ALK: variants seen among roughly 807,000 people sequenced by gnomAD.
The protein encoded by ALK is ALK receptor tyrosine kinase.
ALK carries 74 observed loss-of-function variants against 163.1 expected under a neutral mutation model. The observed-to-expected ratio is 0.45, with a 90% CI of 0.38 to 0.55. ALK has a LOEUF of 0.55. ALK is among the 20% of genes least tolerant of loss of function. ALK has a pLI of 0.00. For missense variants in ALK, 2,063 were observed against 2,105.3 expected, an observed-to-expected ratio of 0.98 and a Z score of 0.39; for synonymous variants, 960 against 843.2, an observed-to-expected ratio of 1.14 and a Z score of -2.40.
intron 4 of ALK, among the ~76,000 whole-genome samples, chr2:29,392,395 A>T (rs1669195374): frequency 6.6e-6 from 1 of 152,224 alleles, no homozygotes; most frequent in Non-Finnish European, 1.5e-5. Context: ...AAATGCAAGT[A>T]ACTCATTTTT....
intron 3 of ALK, among the ~76,000 whole-genome samples, chr2:29,694,133 C>T (rs560730441): frequency 2.0e-5 from 3 of 152,316 alleles, no homozygotes; most frequent in South Asian, 2.1e-4. Flanking sequence ...TAGACTAGAG[C>T]TTAGTGCCTT....
At chr2:29,651,672 A>G (rs1677039613) in intron 3 of ALK, among the ~76,000 whole-genome samples, 1 of 152,130 alleles carries the variant, frequency 6.6e-6, no homozygotes, top group African/African-American at 2.4e-5. Context: ...GCCACAGGGT[A>G]TCCCTTGGAG....
rs61451401 is a variant in ALK, at chr2:29,829,312, T to TAA, written c.667+90679_667+90680dup. ...ATGTACCCTAAAACTTAAAGTATAA[T>TAA]AAAAAAAAAAAAGAAAGAAAGATGA... On this transcript the variant is annotated intron_variant, in intron 1 of 28. Coordinates refer to ENST00000389048, the MANE Select transcript of ALK (RefSeq NM_004304.5). Among the ~76,000 whole-genome samples the TAA allele has an allele frequency of 6.9e-3, 996 of 144,920 alleles. 6 individuals are homozygous for TAA. The highest frequency in any genetic ancestry group is 0.025 in the Middle Eastern group (7 of 280).
chr2:29,559,046 T>C (rs1283721837), intron 3 of ALK, among the ~76,000 whole-genome samples: 3 of 152,142 alleles, frequency 2.0e-5, no homozygotes, highest in African/African-American at 7.2e-5. Context: ...ATCCAGTACC[T>C]AACATACCTT....
intron 6 of ALK, among the ~76,000 whole-genome samples, chr2:29,324,588 T>G (rs969826793): frequency 6.6e-6 from 1 of 152,204 alleles, no homozygotes; most frequent in African/African-American, 2.4e-5. Context: ...ACAGATGAGA[T>G]TATCAAGTCC....
intron 1 of ALK, among the ~76,000 whole-genome samples, chr2:29,873,960 CT>C (rs926018249): frequency 1.3e-5 from 2 of 152,134 alleles, no homozygotes; most frequent in African/African-American, 4.8e-5. Flanking sequence ...GAAGCACTTT[CT>C]TTCAGCAGAA....
At chr2:29,202,385 G>A (rs929299927) in intron 26 of ALK, among the ~76,000 whole-genome samples, 1 of 152,186 alleles carries the variant, frequency 6.6e-6, no homozygotes, top group Non-Finnish European at 1.5e-5. Context: ...CATTCCAATT[G>A]TGAAACAGTC....
intron 3 of ALK, among the ~76,000 whole-genome samples, chr2:29,564,784 A>G (rs1674132305): frequency 6.6e-6 from 1 of 152,162 alleles, no homozygotes; most frequent in Non-Finnish European, 1.5e-5. Context: ...CACTCTTGTC[A>G]TCTTTCCGTT....
chr2:29,876,066 G>C (rs1415520735), intron 1 of ALK, among the ~76,000 whole-genome samples: 1 of 152,124 alleles, frequency 6.6e-6, no homozygotes, highest in East Asian at 1.9e-4. Context: ...ATATGTGTGT[G>C]TGTTGAGATT....
chr2:29,869,599 T>C (rs1666525731), intron 1 of ALK, among the ~76,000 whole-genome samples: 1 of 152,112 alleles, frequency 6.6e-6, no homozygotes, highest in African/African-American at 2.4e-5. Context: ...TAAATCTACT[T>C]GCTATAAATC....
intron 1 of ALK, among the ~76,000 whole-genome samples, chr2:29,810,562 T>C (rs1415185801): frequency 1.3e-5 from 2 of 152,126 alleles, no homozygotes; most frequent in African/African-American, 4.8e-5. Context: ...GAGAACAATG[T>C]GAAGAGATCA....
chr2:29,827,977 C>T (rs573105941), intron 1 of ALK, among the ~76,000 whole-genome samples: 2 of 152,134 alleles, frequency 1.3e-5, no homozygotes, highest in African/African-American at 4.8e-5. Flanking sequence ...AGATATAGAT[C>T]AATGGAACAG....
intron 3 of ALK, among the ~76,000 whole-genome samples, chr2:29,674,710 C>T (rs1228186021): frequency 1.3e-5 from 2 of 150,458 alleles, no homozygotes; most frequent in African/African-American, 4.9e-5. Flanking sequence ...AGGGAGGATT[C>T]CCTCTTTTTC....
chr2:29,798,892 G>A (rs72788244), intron 1 of ALK, among the ~76,000 whole-genome samples: 4,507 of 152,292 alleles, frequency 0.03, 77 homozygotes, highest in East Asian at 0.077. Context: ...CGGTGTGATG[G>A]CGAGGACACT....
At chr2:29,369,361 G>T (rs1182966844) in intron 5 of ALK, among the ~76,000 whole-genome samples, 1 of 151,768 alleles carries the variant, frequency 6.6e-6, no homozygotes, top group Admixed American at 6.6e-5. Flanking sequence ...AAAATGACAG[G>T]CACTTGAAGG....
chr2:29,585,320 G>A (rs1674849931), intron 3 of ALK, among the ~76,000 whole-genome samples: 1 of 151,328 alleles, frequency 6.6e-6, no homozygotes, highest in Admixed American at 6.6e-5. Flanking sequence ...TGTATTTTCT[G>A]TCAGCTATTA....
chr2:29,346,131 G>A (rs1308299448), intron 5 of ALK, among the ~76,000 whole-genome samples: 1 of 152,160 alleles, frequency 6.6e-6, no homozygotes, highest in Non-Finnish European at 1.5e-5. Context: ...CTAGGCTGAT[G>A]CTTACATTCT....
intron 1 of ALK, among the ~76,000 whole-genome samples, chr2:29,828,660 A>G (rs562819388): frequency 2.6e-5 from 4 of 152,344 alleles, no homozygotes; most frequent in Admixed American, 1.3e-4. Context: ...AAGTGTCAGG[A>G]AACAACAGGT....
intron 3 of ALK, among the ~76,000 whole-genome samples, chr2:29,661,507 A>C (rs997361911): frequency 6.6e-6 from 1 of 152,216 alleles, no homozygotes; most frequent in African/African-American, 2.4e-5. Flanking sequence ...GTAAGTGTGC[A>C]ATCACTTTGA....
Sources: gnomAD v4.1 joint callset for allele counts (sites outside exome capture counted in the v4.1 genomes callset) on GRCh38, gnomAD v4.1.1 for gene constraint, MANE v1.5 for transcripts, NCBI Gene and HGNC (gene_info 2026-07-23, HGNC 2026-07-21) for gene names.